The following ATP10B variants were observed in gnomAD, a reference collection of about 807,000 sequenced individuals.
The protein encoded by ATP10B is phospholipid-transporting ATPase VB.
ATP10B carries 122 observed loss-of-function variants against 141.2 expected under a neutral mutation model. The ratio of observed to expected loss-of-function variants is 0.86; its 90% CI spans 0.75 to 1.00. The LOEUF (loss-of-function observed/expected upper bound fraction) is 1.00, where lower values mean the gene tolerates loss of function less well. Among genes scored for constraint, ATP10B ranks in the 50% least tolerant of loss-of-function variants. ATP10B has a pLI of 0.00. For synonymous variants in ATP10B, 685 were observed against 692.0 expected, an observed-to-expected ratio of 0.99 and a Z score of 0.16; for missense variants, 1,876 against 1,825.3, an observed-to-expected ratio of 1.03 and a Z score of -0.51.
chr5:160,642,630 T>C (rs1759957842), intron 9 of ATP10B, among the ~76,000 whole-genome samples: 2 of 152,222 alleles, frequency 1.3e-5, no homozygotes, highest in African/African-American at 4.8e-5. Context: ...AAAATGTCAA[T>C]GGTGCCAAAG....
chr5:160,831,496 CAAGAG>C lies in ATP10B; in HGVS notation c.-576+20440_-576+20444del, dbSNP rs1309633315. Among the ~76,000 whole-genome samples, 3 of 152,114 alleles carry C rather than the reference CAAGAG, an allele frequency of 2.0e-5. No homozygotes were observed. The East Asian group carries it at 5.8e-4, about 29-fold the overall frequency. On this transcript the variant is annotated intron_variant, in intron 1 of 25. Transcript: ENST00000327245. ...GAAAATACAGATGAAAATCTTGAAA[CAAGAG>C]AAGAATTTTGGGAAGGTCAAGTAGG...
rs568995455 is a variant in ATP10B, at chr5:160,663,928, C to T, written c.675+6535G>A. Among the ~76,000 whole-genome samples, 30 of 152,180 alleles carry T rather than the reference C, an allele frequency of 2.0e-4. No individual in the cohort carries two copies. In the South Asian group the frequency reaches 5.4e-3, roughly 27 times the overall value. Reference sequence around the variant, plus strand: ...TTTGTTAAATAGATAATAAAAGCACCTATTTTACAGGGTTTTTTTGAGTAG... The same window carrying T: ...TTTGTTAAATAGATAATAAAAGCACTTATTTTACAGGGTTTTTTTGAGTAG... On this transcript the variant is annotated intron_variant, in intron 7 of 25. Coordinates refer to ENST00000327245, the MANE Select transcript of ATP10B (RefSeq NM_025153.3).
At chr5:160,816,375 C>T (rs145643196) in intron 1 of ATP10B, among the ~76,000 whole-genome samples, 51,587 of 151,300 alleles carry the variant, frequency 0.34, 9,780 homozygotes, top group East Asian at 0.45. Context: ...TAGAAACACC[C>T]CTATGCAAAT....
At chr5:160,630,377 A>C (rs1321342021) in intron 13 of ATP10B, among the ~76,000 whole-genome samples, 1 of 152,162 alleles carries the variant, frequency 6.6e-6, no homozygotes, top group East Asian at 1.9e-4. Flanking sequence ...CCAGGGATGC[A>C]GTTTTTCTGG....
At chr5:160,830,315 T>G (rs903924292) in intron 1 of ATP10B, among the ~76,000 whole-genome samples, 1 of 152,168 alleles carries the variant, frequency 6.6e-6, no homozygotes, top group African/African-American at 2.4e-5. Context: ...CCAAATGCAC[T>G]CGAGCAATTC....
intron 12 of ATP10B, chr5:160,634,105 A>G: frequency 1.6e-6 from 1 of 611,600 alleles, no homozygotes; most frequent in South Asian, 1.7e-5. Context: ...CTGGCACCAG[A>G]CAAAGATCAG....
intron 8 of ATP10B, among the ~76,000 whole-genome samples, chr5:160,648,909 G>T (rs1414127025): frequency 7.3e-6 from 1 of 137,768 alleles, no homozygotes; most frequent in Admixed American, 7.7e-5. Context: ...TCTTGATTTT[G>T]ATGCTATTTT....
At chr5:160,839,384 G>A (rs1445896066) in intron 1 of ATP10B, among the ~76,000 whole-genome samples, 1 of 152,136 alleles carries the variant, frequency 6.6e-6, no homozygotes, top group Non-Finnish European at 1.5e-5. Context: ...GTTATGAAAA[G>A]TCTTATGGGC....
intron 2 of ATP10B, among the ~76,000 whole-genome samples, chr5:160,776,232 G>A (rs182607693): frequency 6.6e-5 from 10 of 152,264 alleles, no homozygotes; most frequent in Admixed American, 2.0e-4. Flanking sequence ...AACATAGGAG[G>A]CACCCATAAA....
intron 7 of ATP10B, among the ~76,000 whole-genome samples, chr5:160,659,494 AAAAC>A (rs894814509): frequency 4.0e-5 from 6 of 150,904 alleles, no homozygotes; most frequent in African/African-American, 1.2e-4. Flanking sequence ...AACAAAAACA[AAAAC>A]AAACAAACAA....
intron 1 of ATP10B, among the ~76,000 whole-genome samples, chr5:160,846,164 T>TAG (rs142231048): frequency 0.02 from 2,995 of 152,264 alleles, 103 homozygotes; most frequent in African/African-American, 0.066. Flanking sequence ...TATTGGGTTG[T>TAG]AGCAAGTTAA....
intron 10 of ATP10B, among the ~76,000 whole-genome samples, chr5:160,638,712 G>C (rs1029505291): frequency 3.3e-5 from 5 of 152,310 alleles, no homozygotes; most frequent in Admixed American, 1.3e-4. Flanking sequence ...CAATGGCTAC[G>C]ATTTCTGACT....
Position 160,569,530 on chromosome 5 carries a change from A to T in ATP10B, c.3904T>A (p.Cys1302Ser). 6.2e-7 allele frequency: 1 copy of T among 1,613,966 alleles called. No individual in the cohort carries two copies. The highest frequency in any genetic ancestry group is 2.2e-5 in the East Asian group (1 of 44,852). Residue 1302 changes from cysteine (C) to serine (S), a missense_variant, in exon 25 of 26, where the codon TGC becomes AGC. Cys to Ser is a moderately radical substitution (Grantham distance 112, BLOSUM62 -1). Coordinates refer to ENST00000327245, the MANE Select transcript of ATP10B (RefSeq NM_025153.3). Reference sequence around the variant, plus strand: ...AGAGCAACAACTGGTGTGAGAAAGCAGACGAGGTAGAAAGTGGGGTTTGAG... The same window carrying T: ...AGAGCAACAACTGGTGTGAGAAAGCTGACGAGGTAGAAAGTGGGGTTTGAG... ...QLSNPTFYLVCFLTPVVALLP... is the reference protein window; with the variant it reads ...QLSNPTFYLVSFLTPVVALLP...
chr5:160,620,654 C>T lies in ATP10B; in HGVS notation c.2109G>A (p.Leu703=). The stretch of plus-strand genomic sequence containing the variant: ...TGGCCAGGTCTGTGGCTGGGGCCTC[C>T]AATGCCTCCTCCAAGGAAGTGCCTG... ...SGSGTSLEEA[L]EAPATDLARP... The change falls in exon 15 of 26, where the codon TTG becomes TTA. Residue 703 remains leucine (L), a synonymous_variant. Transcript: ENST00000327245. 2.5e-6 allele frequency: 4 copies of T among 1,613,466 alleles called. No homozygotes were observed. In the South Asian group the frequency reaches 3.3e-5, roughly 13 times the overall value.
intron 2 of ATP10B, among the ~76,000 whole-genome samples, chr5:160,776,334 T>C (rs1285037112): frequency 6.6e-6 from 1 of 152,234 alleles, no homozygotes; most frequent in Non-Finnish European, 1.5e-5. Context: ...TCTTGGATTC[T>C]GAGTTTGTAC....
the ATP10B span, among the ~76,000 whole-genome samples, chr5:160,926,904 C>T: frequency 6.6e-6 from 1 of 152,246 alleles, no homozygotes; most frequent in Non-Finnish European, 1.5e-5. Flanking sequence ...TCGCTGCTCC[C>T]CATTGCTTGT....
intron 6 of ATP10B, among the ~76,000 whole-genome samples, chr5:160,674,333 C>A (rs530399721): frequency 2.6e-4 from 39 of 152,292 alleles, no homozygotes; most frequent in African/African-American, 9.1e-4. Context: ...TATAAAGGTG[C>A]TGGAAGATGG....
At chr5:160,700,682 T>C (rs1007143509) in intron 3 of ATP10B, among the ~76,000 whole-genome samples, 1 of 152,214 alleles carries the variant, frequency 6.6e-6, no homozygotes, top group Non-Finnish European at 1.5e-5. Context: ...CTCAACTTTA[T>C]TATTTTTCCT....
At chr5:160,863,336 G>A in the ATP10B span, among the ~76,000 whole-genome samples, 1,050 of 151,998 alleles carry the variant, frequency 6.9e-3, 16 homozygotes, top group African/African-American at 0.024. Flanking sequence ...GGGAGAAATG[G>A]CAAAACCAAA....
Sources: gnomAD v4.1 joint callset for allele counts (sites outside exome capture counted in the v4.1 genomes callset) on GRCh38, gnomAD v4.1.1 for gene constraint, MANE v1.5 for transcripts, NCBI Gene and HGNC (gene_info 2026-07-23, HGNC 2026-07-21) for gene names.